Variants in TMEM63A observed in about 807,000 individuals in gnomAD.
TMEM63A encodes the protein transmembrane protein 63A, also known as mechanosensitive cation channel TMEM63A.
TMEM63A carries 76 observed loss-of-function variants against 100.6 expected under a neutral mutation model. The observed-to-expected ratio is 0.76, with a 90% CI of 0.63 to 0.91. The LOEUF is 0.91. Ranked by LOEUF, TMEM63A falls within the 40% of genes least tolerant of loss-of-function variation. The probability of loss-of-function intolerance (pLI) is 0.00; values close to 1 mark genes in which losing one functional copy is unlikely to be tolerated. For synonymous variants in TMEM63A, 401 were observed against 401.1 expected (o/e 1.00, Z 0.00); for missense variants, 876 against 1,008.8 (o/e 0.87, Z 1.78).
chr1:225,870,451 C>A (rs78344397), intron 6 of TMEM63A, among the ~76,000 whole-genome samples: 27 of 151,748 alleles, frequency 1.8e-4, no homozygotes, highest in South Asian at 4.2e-4. Flanking sequence ...CCCGCCCCCC[C>A]CCGCCTCCTG....
intron 5 of TMEM63A, among the ~76,000 whole-genome samples, chr1:225,871,420 C>G (rs1670502226): frequency 6.6e-6 from 1 of 152,132 alleles, no homozygotes; most frequent in Admixed American, 6.5e-5. Context: ...AATCACTGAC[C>G]AAGAGGTGAG....
intron 14 of TMEM63A, 71 bp from the exon 15 acceptor site, chr1:225,859,420 G>T: frequency 1.3e-6 from 2 of 1,583,872 alleles, no homozygotes; most frequent in Non-Finnish European, 1.7e-6. Context: ...GGGTCAGAAG[G>T]TCAGATTTAG....
intron 14 of TMEM63A, chr1:225,860,385 CT>C (rs1327379536): frequency 2.0e-5 from 3 of 152,696 alleles, no homozygotes; most frequent in African/African-American, 7.2e-5. Context: ...CATGCGGCTA[CT>C]GAGCATTTTA....
At chr1:225,849,212 C>T (rs1156822883) in intron 21 of TMEM63A, among the ~76,000 whole-genome samples, 200 bp from the exon 22 acceptor site, 1 of 145,278 alleles carries the variant, frequency 6.9e-6, no homozygotes, top group Non-Finnish European at 1.5e-5. Context: ...GCCAGGAACA[C>T]ACAGAGGGAC....
intron 5 of TMEM63A, 28 bp from the exon 6 acceptor site, chr1:225,871,141 T>C: frequency 1.2e-6 from 2 of 1,611,820 alleles, no homozygotes; most frequent in Non-Finnish European, 1.7e-6. Flanking sequence ...AGGGATTAGC[T>C]TCCAACATTT....
At chr1:225,848,605 A>G in intron 22 of TMEM63A, 51 bp from the exon 23 acceptor site, 2 of 1,588,732 alleles carry the variant, frequency 1.3e-6, no homozygotes, top group Non-Finnish European at 1.7e-6. Context: ...GATCTCTGTG[A>G]ACAAACACCC....
At chr1:225,877,843 A>G (rs916573880) in intron 2 of TMEM63A, among the ~76,000 whole-genome samples, 8 of 152,212 alleles carry the variant, frequency 5.3e-5, no homozygotes, top group African/African-American at 1.9e-4. Flanking sequence ...TCCAGGACAC[A>G]GTGGGCAGAT....
At chr1:225,848,406 A>G (rs1669131267) in intron 23 of TMEM63A, 86 bp downstream of exon 23, 4 of 1,416,148 alleles carry the variant, frequency 2.8e-6, no homozygotes, top group Non-Finnish European at 2.9e-6. Flanking sequence ...ATGATCAAAG[A>G]TTTGCCGGGG....
At chr1:225,873,468 CCCTCT>C (rs1254815544) in intron 4 of TMEM63A, among the ~76,000 whole-genome samples, 1 of 152,106 alleles carries the variant, frequency 6.6e-6, no homozygotes, top group Admixed American at 6.5e-5. Context: ...CTGCCAGAGC[CCCTCT>C]GGGGCTCTGG....
In TMEM63A at chr1:225,862,261, C is replaced by T; in HGVS notation, c.1042G>A (p.Gly348Arg). The change falls in exon 13 of 25, where the codon GGA becomes AGA. Residue 348 changes from glycine (G) to arginine (R), a missense_variant. Physicochemically the swap from Gly to Arg is moderately radical, Grantham distance 125. Transcript: ENST00000366835. This position sits in a 1 kb window ranked among gnomAD's most constrained non-coding sequence, Gnocchi z 5.1. ...TCCTGGAAGGTGACGAAGGCCATTC[C>T]CAGGGGCTGGTCCTGGACGTGGCGT... ...EERHVQDQPL[G>R]MAFVTFQEKS... The T allele has an allele frequency of 6.2e-7, 1 of 1,614,160 alleles. No homozygotes were observed. Among genetic ancestry groups the T allele is most frequent in the Non-Finnish European group, 8.5e-7 (1 of 1,180,024 alleles).
intron 5 of TMEM63A, 144 bp downstream of exon 5, chr1:225,871,843 T>C (rs963555780): frequency 1.7e-5 from 11 of 629,254 alleles, no homozygotes; most frequent in Non-Finnish European, 3.1e-5. Flanking sequence ...CTGTGGTATT[T>C]CCCAAGTTCA....
In TMEM63A at chr1:225,878,990, G is replaced by C. The variant is rs360098; in HGVS notation, c.-15+230C>G. On this transcript the variant is annotated intron_variant, in intron 2 of 24. Transcript: ENST00000366835. ...GGGAGCATCCCACAGACAGCCAAGT[G>C]ACTTTCTCAACCTTCTAAGAGACTT... is the stretch of plus-strand genomic sequence containing the variant. Among the ~76,000 whole-genome samples, 101,725 of 151,936 alleles carry C rather than the reference G, an allele frequency of 0.67. 34,283 individuals are homozygous for C. The highest frequency in any genetic ancestry group is 0.68 in the Middle Eastern group (199 of 294).
chr1:225,866,406 T>A (rs1670211739), intron 9 of TMEM63A, 168 bp downstream of exon 9: 1 of 611,464 alleles, frequency 1.6e-6, no homozygotes, highest in Non-Finnish European at 2.9e-6. Context: ...GGAAACTGTT[T>A]TTTTTAAAGA....
Position 225,877,389 on chromosome 1 carries a change from T to C in TMEM63A, c.186+6A>G. On this transcript the variant is annotated splice_donor_region_variant and intron_variant, in intron 3 of 24. Transcript: ENST00000366835. ...GCAGTGGGACACGACTCATGAGGGC[T>C]CTCACCAGGAAGCAGCTGACGTCTA... 6.2e-7 allele frequency: 1 copy of C among 1,608,018 alleles called. No homozygotes were observed. The highest frequency in any genetic ancestry group is 8.5e-7 in the Non-Finnish European group (1 of 1,175,210).
Position 225,856,709 on chromosome 1 carries a change from T to C in TMEM63A, c.1514A>G (p.Lys505Arg), listed in dbSNP as rs1339842359. 1.2e-6 allele frequency: 2 copies of C among 1,613,698 alleles called. No homozygotes were observed. Among genetic ancestry groups the C allele is most frequent in the Non-Finnish European group, 1.7e-6 (2 of 1,179,910 alleles). ...KSGENQIMMTKVYIFLIFMVL... is the reference protein window; with the variant it reads ...KSGENQIMMTRVYIFLIFMVL... The stretch of plus-strand genomic sequence containing the variant: ...CATGAAGATCAAGAATATGTAGACT[T>C]TGGTCATCATGATCTGGTTTTCCCC... The change falls in exon 17 of 25, where the codon AAA becomes AGA. Residue 505 changes from lysine to arginine, a missense_variant. Lys to Arg is a conservative substitution (Grantham distance 26). Transcript: ENST00000366835.
At chr1:225,881,942 C>T (rs112844127) in intron 1 of TMEM63A, among the ~76,000 whole-genome samples, 4 of 152,168 alleles carry the variant, frequency 2.6e-5, no homozygotes, top group Non-Finnish European at 5.9e-5. Context: ...TTTCCCAGCC[C>T]GGCCTCGTAT....
intron 21 of TMEM63A, among the ~76,000 whole-genome samples, chr1:225,849,658 C>T (rs183646585): frequency 3.9e-5 from 6 of 152,358 alleles, no homozygotes; most frequent in African/African-American, 1.4e-4. Context: ...ACCAGCCCCT[C>T]ACCCTGGGTA....
At chr1:225,850,692 G>A (rs563191696) in intron 20 of TMEM63A, among the ~76,000 whole-genome samples, 1 of 152,142 alleles carries the variant, frequency 6.6e-6, no homozygotes, top group Non-Finnish European at 1.5e-5. Context: ...CGCACTGACA[G>A]GCAAAATATC....
downstream of TMEM63A, chr1:225,845,300 C>A: frequency 6.2e-7 from 1 of 1,612,562 alleles, no homozygotes; most frequent in Non-Finnish European, 8.5e-7. Flanking sequence ...GCCGGAGCTG[C>A]TCGCCCAGGA....
Sources: allele counts gnomAD v4.1 joint callset (sites outside exome capture counted in the v4.1 genomes callset), GRCh38; gene constraint gnomAD v4.1.1; non-coding constraint Gnocchi (gnomAD v3.1); transcripts MANE v1.5; gene names NCBI Gene and HGNC (gene_info 2026-07-23, HGNC 2026-07-21).